Variants in FBXW11 observed in about 807,000 individuals in gnomAD.
FBXW11 encodes the protein F-box and WD repeat domain containing 11.
Under a neutral mutation model 77.6 loss-of-function variants are expected in FBXW11, and 19 were observed. The ratio of observed to expected loss-of-function variants is 0.24; its 90% CI spans 0.17 to 0.36. The LOEUF (loss-of-function observed/expected upper bound fraction) is 0.36. FBXW11 is among the 10% of genes least tolerant of loss of function. FBXW11 has a pLI of 1.00. For missense variants in FBXW11, 334 were observed against 704.2 expected (o/e 0.47, Z 5.95); for synonymous variants, 235 against 249.4 (o/e 0.94, Z 0.54).
chr5:171,984,149 T>C (rs1375127842), intron 1 of FBXW11, among the ~76,000 whole-genome samples: 2 of 152,146 alleles, frequency 1.3e-5, no homozygotes, highest in African/African-American at 4.8e-5. Context: ...GAAAAGGCCT[T>C]TAAGAAGAGA....
intron 1 of FBXW11, among the ~76,000 whole-genome samples, chr5:171,999,992 C>T (rs555355448): frequency 6.6e-6 from 1 of 152,262 alleles, no homozygotes; most frequent in African/African-American, 2.4e-5. Flanking sequence ...ACACTAAGAA[C>T]CAGGTAAGAG....
chr5:171,962,522 C>T (rs2113355000), intron 1 of FBXW11, among the ~76,000 whole-genome samples: 1 of 152,224 alleles, frequency 6.6e-6, no homozygotes, highest in African/African-American at 2.4e-5. Context: ...GCCAGGGAAG[C>T]TGACAGTGTT....
In FBXW11 at chr5:172,006,550, G is replaced by A; in HGVS notation, c.-48C>T. 6.8e-7 allele frequency: 1 copy of A among 1,471,634 alleles called. No homozygotes were observed. Among genetic ancestry groups the A allele is most frequent in the Non-Finnish European group, 9.0e-7 (1 of 1,108,622 alleles). The allele number at this position is 1,471,634 out of a possible 1,614,324, so 91.2% of individuals were successfully genotyped here. ...CGCTCTCCCCGCGCAGCAGCGAACG[G>A]CCCGGGCGGAGGAGGCGACGGCGGA... On this transcript the variant is annotated 5_prime_UTR_variant, in exon 1 of 14. Coordinates refer to ENST00000517395, the MANE Select transcript of FBXW11 (RefSeq NM_001378974.1).
chr5:171,950,440 C>T (rs1763246616), intron 2 of FBXW11, among the ~76,000 whole-genome samples: 1 of 151,748 alleles, frequency 6.6e-6, no homozygotes, highest in South Asian at 2.1e-4. Flanking sequence ...CTCTCGCCTC[C>T]ACCCCTAAAA....
chr5:171,883,891 T>G (rs543306203), intron 7 of FBXW11, among the ~76,000 whole-genome samples: 1 of 152,300 alleles, frequency 6.6e-6, no homozygotes, highest in African/African-American at 2.4e-5. Flanking sequence ...TTCATTGTGT[T>G]TGTTTTTTTC....
chr5:171,933,552 C>T (rs1762325987), intron 2 of FBXW11, among the ~76,000 whole-genome samples: 1 of 152,158 alleles, frequency 6.6e-6, no homozygotes, highest in Admixed American at 6.6e-5. Context: ...AAATGTATCC[C>T]TGTGGTATGG....
intron 3 of FBXW11, among the ~76,000 whole-genome samples, chr5:171,913,367 G>C (rs1011590027): frequency 3.9e-5 from 6 of 152,034 alleles, no homozygotes; most frequent in African/African-American, 1.2e-4. Context: ...AAAACTGAAA[G>C]CTAAAGTGTG....
intron 1 of FBXW11, among the ~76,000 whole-genome samples, chr5:171,960,501 A>C (rs1285283744): frequency 6.6e-6 from 1 of 152,246 alleles, no homozygotes; most frequent in Non-Finnish European, 1.5e-5. Flanking sequence ...AAGGGTTAAT[A>C]GTATTTGCCT....
At chr5:171,906,779 C>G (rs1287067247) in intron 4 of FBXW11, among the ~76,000 whole-genome samples, 1 of 152,176 alleles carries the variant, frequency 6.6e-6, no homozygotes, top group African/African-American at 2.4e-5. Context: ...ACTCCAGCAC[C>G]CATGCTTTTT....
At chr5:171,893,114 G>C (rs1759469712) in intron 6 of FBXW11, among the ~76,000 whole-genome samples, 1 of 152,056 alleles carries the variant, frequency 6.6e-6, no homozygotes, top group Admixed American at 6.5e-5. Flanking sequence ...TTATAGAAAA[G>C]GAAATGGAGG....
intron 2 of FBXW11, among the ~76,000 whole-genome samples, chr5:171,939,831 G>A (rs1340718012): frequency 6.6e-6 from 1 of 151,780 alleles, no homozygotes; most frequent in East Asian, 1.9e-4. Flanking sequence ...TCAGGCATCA[G>A]TTTCAGGATA....
chr5:171,869,884 T>A lies in FBXW11; in HGVS notation c.1452-77A>T. On this transcript the variant is annotated intron_variant, in intron 11 of 13. Coordinates refer to ENST00000517395, the MANE Select transcript of FBXW11 (RefSeq NM_001378974.1). The surrounding 1 kb of genome is among the most constrained non-coding windows in gnomAD (Gnocchi z 4.1). ...TGTCAAACATTTCCTTGAAAAAAAG[T>A]AGTGCATCTGAACTGCCTATTTATA... The A allele has an allele frequency of 1.1e-6, 1 of 934,552 alleles. No individual in the cohort carries two copies. The highest frequency in any genetic ancestry group is 1.6e-6 in the Non-Finnish European group (1 of 609,510). The allele number at this position is 934,552 out of a possible 1,614,324, so 57.9% of individuals were successfully genotyped here. A position where few individuals can be genotyped will look rare whatever the true frequency, so the allele number is the denominator to read the frequency against.
intron 1 of FBXW11, among the ~76,000 whole-genome samples, chr5:171,983,354 C>A (rs1765254824): frequency 6.6e-6 from 1 of 152,142 alleles, no homozygotes; most frequent in Non-Finnish European, 1.5e-5. Context: ...TTATGATAAA[C>A]TGGTAAATGT....
intron 2 of FBXW11, among the ~76,000 whole-genome samples, chr5:171,937,827 C>CA (rs1762554649): frequency 4.4e-5 from 2 of 45,200 alleles, no homozygotes; most frequent in Admixed American, 2.3e-4. Context: ...GACCTTGGCT[C>CA]AAAAAAAAGC....
intron 2 of FBXW11, among the ~76,000 whole-genome samples, chr5:171,917,460 CT>C (rs1761327470): frequency 6.6e-6 from 1 of 152,114 alleles, no homozygotes; most frequent in African/African-American, 2.4e-5. Context: ...AAACAACCCC[CT>C]GAAGAAAATA....
At chr5:171,897,583 G>A (rs971665390) in intron 6 of FBXW11, among the ~76,000 whole-genome samples, 8 of 152,182 alleles carry the variant, frequency 5.3e-5, no homozygotes, top group African/African-American at 1.4e-4. Flanking sequence ...TCTAACAGCA[G>A]TCATGAGGAT....
At chr5:171,917,492 T>G (rs1054514913) in intron 2 of FBXW11, among the ~76,000 whole-genome samples, 3 of 152,190 alleles carry the variant, frequency 2.0e-5, no homozygotes, top group Non-Finnish European at 4.4e-5. Flanking sequence ...CCTTAAGGCT[T>G]CATAAAGAAG....
chr5:171,987,960 A>G, intron 1 of FBXW11, among the ~76,000 whole-genome samples: 1 of 152,224 alleles, frequency 6.6e-6, no homozygotes, highest in South Asian at 2.1e-4. Flanking sequence ...TACATGCTCA[A>G]TAATGAATGG....
At chr5:171,865,993 G>A (rs766283001) in intron 13 of FBXW11, among the ~76,000 whole-genome samples, 2 of 152,116 alleles carry the variant, frequency 1.3e-5, no homozygotes, top group Admixed American at 6.5e-5. Context: ...GGCCGCACGC[G>A]GTGGCTCACT....
Sources: allele counts gnomAD v4.1 joint callset (sites outside exome capture counted in the v4.1 genomes callset), GRCh38; gene constraint gnomAD v4.1.1; non-coding constraint Gnocchi (gnomAD v3.1); transcripts MANE v1.5; gene names NCBI Gene and HGNC (gene_info 2026-07-23, HGNC 2026-07-21).